The following CSMD1 variants were observed in gnomAD, a reference collection of about 807,000 sequenced individuals.
The protein encoded by CSMD1 is CUB and sushi domain-containing protein 1.
Under a neutral mutation model 417.5 loss-of-function variants are expected in CSMD1, and 213 were observed. The ratio of observed to expected loss-of-function variants is 0.51; its 90% CI spans 0.46 to 0.57. CSMD1 has a LOEUF of 0.57. Ranked by LOEUF, CSMD1 falls within the 20% of genes least tolerant of loss-of-function variation. The pLI is 0.00. For missense variants in CSMD1, 6,923 were observed against 4,529.7 expected, an observed-to-expected ratio of 1.53 and a Z score of -15.17; for synonymous variants, 2,862 against 1,736.8, an observed-to-expected ratio of 1.65 and a Z score of -16.11.
At chr8:4,604,187 G>A (rs1800744725) in intron 2 of CSMD1, among the ~76,000 whole-genome samples, 2 of 151,902 alleles carry the variant, frequency 1.3e-5, no homozygotes, top group Non-Finnish European at 2.9e-5. Context: ...CACATAATCG[G>A]AAAGTTAGCA....
intron 10 of CSMD1, among the ~76,000 whole-genome samples, chr8:3,502,305 C>T (rs772985102): frequency 7.0e-6 from 1 of 143,630 alleles, no homozygotes; most frequent in Non-Finnish European, 1.5e-5. Flanking sequence ...GAGGAGCTTG[C>T]AGTGAGCTGA....
intron 1 of CSMD1, among the ~76,000 whole-genome samples, chr8:4,675,144 C>A (rs1435748498): frequency 6.6e-6 from 1 of 152,180 alleles, no homozygotes. Context: ...TAACACATAA[C>A]ATTTATATAG....
chr8:4,542,769 A>G (rs1196179730), intron 2 of CSMD1, among the ~76,000 whole-genome samples: 1 of 152,248 alleles, frequency 6.6e-6, no homozygotes, highest in East Asian at 1.9e-4. Context: ...AAGTAAACAT[A>G]TGGTAGCCAT....
At chr8:4,555,653 G>C (rs138804656) in intron 2 of CSMD1, among the ~76,000 whole-genome samples, 3 of 152,230 alleles carry the variant, frequency 2.0e-5, no homozygotes, top group Non-Finnish European at 2.9e-5. Context: ...TGCTGCTTTT[G>C]TCAGAATTCA....
chr8:3,423,260 C>A (rs1013983246), intron 12 of CSMD1, among the ~76,000 whole-genome samples: 1 of 152,074 alleles, frequency 6.6e-6, no homozygotes, highest in Non-Finnish European at 1.5e-5. Context: ...AGTCATGTAT[C>A]CAACACCAAA....
chr8:3,484,387 GC>G (rs1817909457), intron 11 of CSMD1, among the ~76,000 whole-genome samples: 2 of 152,160 alleles, frequency 1.3e-5, no homozygotes, highest in African/African-American at 4.8e-5. Flanking sequence ...GAACTGCCAG[GC>G]AAACCGTGAA....
intron 1 of CSMD1, among the ~76,000 whole-genome samples, chr8:4,830,494 A>G (rs923974808): frequency 4.6e-5 from 7 of 152,224 alleles, no homozygotes; most frequent in African/African-American, 1.7e-4. Flanking sequence ...ATCATAGAAG[A>G]ATCAAGAAGC....
At position 4,250,772 on chromosome 8, in the gene CSMD1, G is replaced by A. The variant is rs375477522; in HGVS notation, c.415+169181C>T. On this transcript the variant is annotated intron_variant, in intron 3 of 69. Coordinates refer to ENST00000635120, the MANE Select transcript of CSMD1 (RefSeq NM_033225.6). Reference sequence around the variant, plus strand: ...ACTGTAAATATGTATAAATATGCCAGTAACTCAAAAATTACTTTTCTCTGT... The same window carrying A: ...ACTGTAAATATGTATAAATATGCCAATAACTCAAAAATTACTTTTCTCTGT... Among the ~76,000 whole-genome samples, 6 of 152,280 alleles carry A rather than the reference G, an allele frequency of 3.9e-5. No individual in the cohort carries two copies. In the East Asian group the frequency reaches 1.2e-3, roughly 29 times the overall value.
chr8:3,630,247 G>C (rs1327089219), intron 7 of CSMD1, among the ~76,000 whole-genome samples: 1 of 152,136 alleles, frequency 6.6e-6, no homozygotes, highest in African/African-American at 2.4e-5. Flanking sequence ...ATTTTGGATA[G>C]GGTCACAGTT....
chr8:3,305,032 C>CTAATATTTAATTTAATTAATTTA (rs1491222619), intron 25 of CSMD1, among the ~76,000 whole-genome samples: 1 of 151,940 alleles, frequency 6.6e-6, no homozygotes, highest in Non-Finnish European at 1.5e-5. Flanking sequence ...AAGTTAAGGA[C>CTAATATTTAATTTAATTAATTTA]TAATATTTAA....
rs549964975 is a variant in CSMD1, at chr8:3,112,679, T to G, written c.6431-2344A>C. On this transcript the variant is annotated intron_variant, in intron 42 of 69. Transcript: ENST00000635120. Reference sequence around the variant, plus strand: ...CCATAGTGAACCGTAGAGACCCTGTTGCTGCCTTTGTAAAAAGCTTATTGA... The same window carrying G: ...CCATAGTGAACCGTAGAGACCCTGTGGCTGCCTTTGTAAAAAGCTTATTGA... Among the ~76,000 whole-genome samples, 29 of 152,314 alleles carry G rather than the reference T, an allele frequency of 1.9e-4. 1 individual carries two copies. Among genetic ancestry groups the G allele is most frequent in the Admixed American group, 1.6e-3 (25 of 15,294 alleles).
chr8:4,942,750 C>A (rs1421440541), intron 1 of CSMD1, among the ~76,000 whole-genome samples: 2 of 152,164 alleles, frequency 1.3e-5, no homozygotes, highest in Non-Finnish European at 2.9e-5. Flanking sequence ...TCAACACAGA[C>A]AGGGAGAAAT....
At chr8:3,193,186 A>G (rs1026540946) in intron 33 of CSMD1, among the ~76,000 whole-genome samples, 2 of 152,200 alleles carry the variant, frequency 1.3e-5, no homozygotes, top group Admixed American at 6.5e-5. Flanking sequence ...GGGTATCACT[A>G]TCTTTCCAAG....
At chr8:2,953,615 AT>A (rs1802795046) in intron 65 of CSMD1, among the ~76,000 whole-genome samples, 1 of 152,254 alleles carries the variant, frequency 6.6e-6, no homozygotes, top group African/African-American at 2.4e-5. Flanking sequence ...AATAATTTAA[AT>A]TTAAAACACA....
chr8:3,049,108 C>A lies in CSMD1; in HGVS notation c.7660+3354G>T, dbSNP rs114281739. Reference sequence around the variant, plus strand: ...AGATGCTCGCGACAACGTGGGGCAACAGGAACTCTCACTCATTGCTGGTGG... The same window carrying A: ...AGATGCTCGCGACAACGTGGGGCAAAAGGAACTCTCACTCATTGCTGGTGG... On this transcript the variant is annotated intron_variant, in intron 50 of 69. Coordinates refer to ENST00000635120, the MANE Select transcript of CSMD1 (RefSeq NM_033225.6). Among the ~76,000 whole-genome samples, 895 of 152,228 alleles carry A rather than the reference C, an allele frequency of 5.9e-3. 9 individuals are homozygous for A. The highest frequency in any genetic ancestry group is 0.02 in the African/African-American group (845 of 41,554).
intron 12 of CSMD1, among the ~76,000 whole-genome samples, chr8:3,443,835 T>C (rs1815141150): frequency 6.6e-6 from 1 of 152,220 alleles, no homozygotes; most frequent in Non-Finnish European, 1.5e-5. Context: ...TTTTCAGCAC[T>C]ACTGATGCAT....
At chr8:3,661,899 G>T (rs1209537195) in intron 7 of CSMD1, among the ~76,000 whole-genome samples, 1 of 152,162 alleles carries the variant, frequency 6.6e-6, no homozygotes, top group African/African-American at 2.4e-5. Context: ...CAGGAAGATG[G>T]AAGAAGACAG....
chr8:4,126,164 G>A (rs1266742739), intron 3 of CSMD1, among the ~76,000 whole-genome samples: 1 of 151,948 alleles, frequency 6.6e-6, no homozygotes, highest in Non-Finnish European at 1.5e-5. Flanking sequence ...CACTTCCCAA[G>A]CCCCCACCCA....
intron 2 of CSMD1, among the ~76,000 whole-genome samples, chr8:4,600,053 T>G (rs988337644): frequency 6.6e-6 from 1 of 152,192 alleles, no homozygotes; most frequent in Non-Finnish European, 1.5e-5. Context: ...TACCCACCAA[T>G]GGCTTGTCCT....
Sources: allele counts gnomAD v4.1 joint callset (sites outside exome capture counted in the v4.1 genomes callset), GRCh38; gene constraint gnomAD v4.1.1; transcripts MANE v1.5; gene names NCBI Gene and HGNC (gene_info 2026-07-23, HGNC 2026-07-21).